The following AGBL4 variants were observed in gnomAD, a reference collection of about 807,000 sequenced individuals.
AGBL4 encodes cytosolic carboxypeptidase 6.
A neutral mutation model predicts 66.4 loss-of-function variants in AGBL4; 58 were observed. The observed-to-expected ratio is 0.87, with a 90% confidence interval of 0.71 to 1.09. The LOEUF (loss-of-function observed/expected upper bound fraction) is 1.09. Among genes scored for constraint, AGBL4 ranks in the 50% least tolerant of loss-of-function variants. The probability of loss-of-function intolerance (pLI) is 0.00; values close to 1 mark genes in which losing one functional copy is unlikely to be tolerated. For synonymous variants in AGBL4, 234 were observed against 222.9 expected (o/e 1.05, Z -0.44); for missense variants, 579 against 631.0 (o/e 0.92, Z 0.88).
chr1:49,323,278 T>C (rs1292001788), intron 3 of AGBL4, among the ~76,000 whole-genome samples: 1 of 151,914 alleles, frequency 6.6e-6, no homozygotes, highest in Non-Finnish European at 1.5e-5. Context: ...CAGGAGATTT[T>C]TGTTTTTGTT....
intron 4 of AGBL4, among the ~76,000 whole-genome samples, chr1:49,146,141 C>T (rs951155867): frequency 5.3e-5 from 8 of 151,992 alleles, no homozygotes; most frequent in African/African-American, 1.9e-4. Context: ...GAAGTAGGGA[C>T]AGTCAATGGG....
Position 48,563,728 on chromosome 1 carries a change from T to C in AGBL4, c.1267+23276A>G, listed in dbSNP as rs1402890417. ...CATACAGAAGGACAGGACAAAAAGC[T>C]TCTAGCCACCAGTAGCTTTGGAAAG... On this transcript the variant is annotated intron_variant, in intron 11 of 13. Transcript: ENST00000371839. 2.0e-5 allele frequency among the ~76,000 whole-genome samples: 3 copies of C among 152,164 alleles called. No homozygotes were observed. In the East Asian group the frequency reaches 5.8e-4, roughly 29 times the overall value.
chr1:48,720,776 G>A (rs1310874471), intron 6 of AGBL4, among the ~76,000 whole-genome samples: 1 of 152,034 alleles, frequency 6.6e-6, no homozygotes. Flanking sequence ...TGTGAGAAGA[G>A]GGAGCTAAAT....
At chr1:49,853,642 C>T (rs899851211) in intron 1 of AGBL4, among the ~76,000 whole-genome samples, 2 of 151,852 alleles carry the variant, frequency 1.3e-5, no homozygotes, top group Non-Finnish European at 2.9e-5. Flanking sequence ...CAAATCCAAA[C>T]AGTAACTAGG....
intron 3 of AGBL4, among the ~76,000 whole-genome samples, chr1:49,681,349 C>G (rs1646689758): frequency 6.6e-6 from 1 of 152,072 alleles, no homozygotes; most frequent in Non-Finnish European, 1.5e-5. Flanking sequence ...TAGCAGTGTT[C>G]TTTTAACATT....
chr1:49,008,839 G>A (rs1662105320), intron 5 of AGBL4, among the ~76,000 whole-genome samples: 1 of 151,782 alleles, frequency 6.6e-6, no homozygotes, highest in African/African-American at 2.4e-5. Context: ...CGAGAACAAA[G>A]ACACAACATA....
In AGBL4 at chr1:48,736,321, G is replaced by A. The variant is rs149855111; in HGVS notation, c.635-73080C>T. On this transcript the variant is annotated intron_variant, in intron 6 of 13. Coordinates refer to ENST00000371839, the MANE Select transcript of AGBL4 (RefSeq NM_032785.4). This position sits in a 1 kb window ranked among gnomAD's most constrained non-coding sequence, Gnocchi z 4.0. ...TTTTTTTTGTGGCGACGCCTGTGACGCTTCTGTTTTTCAGAACATCTGTTC... is the reference window on the plus strand; with the variant it reads ...TTTTTTTTGTGGCGACGCCTGTGACACTTCTGTTTTTCAGAACATCTGTTC... 8.7e-6 allele frequency: 14 copies of A among 1,614,074 alleles called. No homozygotes were observed. In the Admixed American group the frequency reaches 1.5e-4, roughly 17 times the overall value.
At chr1:49,756,023 G>A (rs1159384289) in intron 2 of AGBL4, among the ~76,000 whole-genome samples, 6 of 151,910 alleles carry the variant, frequency 3.9e-5, no homozygotes, top group Non-Finnish European at 7.4e-5. Context: ...ATTTACTTAC[G>A]TCCAAACATT....
intron 1 of AGBL4, among the ~76,000 whole-genome samples, chr1:49,982,649 G>A (rs1329812326): frequency 6.6e-6 from 1 of 152,184 alleles, no homozygotes; most frequent in Non-Finnish European, 1.5e-5. Flanking sequence ...CCAGAGTGGG[G>A]ACTTACGGTG....
intron 6 of AGBL4, among the ~76,000 whole-genome samples, chr1:48,684,871 G>A (rs1646507738): frequency 6.6e-6 from 1 of 152,174 alleles, no homozygotes; most frequent in African/African-American, 2.4e-5. Context: ...CCTACAAAAT[G>A]TTCTGTATAA....
At chr1:49,535,385 A>G (rs1314133653) in intron 3 of AGBL4, among the ~76,000 whole-genome samples, 2 of 148,208 alleles carry the variant, frequency 1.3e-5, no homozygotes, top group East Asian at 1.9e-4. Flanking sequence ...AATATATAAT[A>G]AGATAAGATA....
chr1:49,664,156 A>C (rs1284475311), intron 3 of AGBL4, among the ~76,000 whole-genome samples: 2 of 152,090 alleles, frequency 1.3e-5, no homozygotes, highest in Non-Finnish European at 2.9e-5. Flanking sequence ...CAATGAAAGA[A>C]GAAAGCTTGT....
chr1:49,900,665 CA>C (rs957244666), intron 1 of AGBL4, among the ~76,000 whole-genome samples: 2 of 152,118 alleles, frequency 1.3e-5, no homozygotes, highest in South Asian at 2.1e-4. Flanking sequence ...TTTTAATACC[CA>C]AAAAGCAGTA....
intron 4 of AGBL4, among the ~76,000 whole-genome samples, chr1:49,167,727 A>C (rs997575841): frequency 6.6e-6 from 1 of 152,190 alleles, no homozygotes; most frequent in Non-Finnish European, 1.5e-5. Flanking sequence ...GGAAGAAAAA[A>C]ATTATATTTG....
At chr1:49,853,926 G>A (rs1042320520) in intron 1 of AGBL4, among the ~76,000 whole-genome samples, 3 of 151,974 alleles carry the variant, frequency 2.0e-5, no homozygotes, top group Non-Finnish European at 4.4e-5. Flanking sequence ...TGTAAGAAAC[G>A]CCAACAATAG....
chr1:48,773,248 C>T (rs141366297), intron 6 of AGBL4, among the ~76,000 whole-genome samples: 1 of 151,606 alleles, frequency 6.6e-6, no homozygotes, highest in Admixed American at 6.6e-5. Context: ...TTTGAGCCTC[C>T]TAAAAAAAAA....
chr1:48,833,628 C>A (rs1646609172), intron 6 of AGBL4, among the ~76,000 whole-genome samples: 1 of 152,130 alleles, frequency 6.6e-6, no homozygotes, highest in Non-Finnish European at 1.5e-5. Flanking sequence ...ATAAACAGAT[C>A]ATTGGTCCAT....
At chr1:49,799,426 T>C (rs766988968) in intron 2 of AGBL4, among the ~76,000 whole-genome samples, 7 of 152,174 alleles carry the variant, frequency 4.6e-5, no homozygotes, top group Non-Finnish European at 1.0e-4. Flanking sequence ...GGTACACTTA[T>C]TGTATCACTA....
intron 1 of AGBL4, among the ~76,000 whole-genome samples, chr1:49,917,129 T>A (rs969098929): frequency 6.6e-6 from 1 of 152,016 alleles, no homozygotes; most frequent in African/African-American, 2.4e-5. Context: ...CACTGCAAAA[T>A]CATGCCAAAT....
Sources: gnomAD v4.1 joint callset for allele counts (sites outside exome capture counted in the v4.1 genomes callset) on GRCh38, gnomAD v4.1.1 for gene constraint, Gnocchi (gnomAD v3.1) non-coding constraint, MANE v1.5 for transcripts, NCBI Gene and HGNC (gene_info 2026-07-23, HGNC 2026-07-21) for gene names.